ELFN1: variants seen among roughly 807,000 people sequenced by gnomAD.
ELFN1 encodes the protein extracellular leucine rich repeat and fibronectin type III domain containing 1, also known as protein ELFN1.
Under a neutral mutation model 7.6 loss-of-function variants are expected in ELFN1, and 6 were observed. That is an observed-to-expected ratio of 0.79 (90% CI 0.43 to 1.56). ELFN1 has a LOEUF of 1.56. Ranked by LOEUF, ELFN1 falls within the 40% of genes most tolerant of loss-of-function variation. ELFN1 has a pLI of 0.01. For synonymous variants in ELFN1, 657 were observed against 588.1 expected (o/e 1.12, Z -1.70); for missense variants, 1,169 against 1,232.2 (o/e 0.95, Z 0.77).
chr7:1,693,159 A>C (rs1263293001), intron 2 of ELFN1: 2 of 360,892 alleles, frequency 5.5e-6, no homozygotes, highest in Non-Finnish European at 1.1e-5. Flanking sequence ...ACCCCTAGTG[A>C]CCAGATGCTG....
At chr7:1,727,866 C>G (rs1412799686) in intron 3 of ELFN1, among the ~76,000 whole-genome samples, 1 of 152,128 alleles carries the variant, frequency 6.6e-6, no homozygotes, top group Non-Finnish European at 1.5e-5. Context: ...CCTTGCCCTC[C>G]CAAAGCTCCA....
At chr7:1,728,066 G>C (rs952265652) in intron 3 of ELFN1, among the ~76,000 whole-genome samples, 8 of 152,340 alleles carry the variant, frequency 5.3e-5, no homozygotes, top group Admixed American at 5.2e-4. Context: ...TTGAGAGGCA[G>C]GGCCGGACTT....
chr7:1,701,658 G>A (rs1779430483), intron 2 of ELFN1, among the ~76,000 whole-genome samples: 1 of 151,854 alleles, frequency 6.6e-6, no homozygotes, highest in Admixed American at 6.6e-5. Context: ...AAAAATTAAT[G>A]GAGCACAGAT....
rs1446539583 is a variant in ELFN1, at chr7:1,747,230, A to C, written c.*147A>C. On this transcript the variant is annotated 3_prime_UTR_variant, in exon 4 of 4. Coordinates refer to ENST00000424383, the MANE Select transcript of ELFN1 (RefSeq NM_001128636.4). ...AGGCGAGGGGGGAGCGAGTGGGGAC[A>C]GACAAGGGGGACACGTCCCGAGCTC... The C allele has an allele frequency of 3.1e-6, 3 of 965,334 alleles. No homozygotes were observed. The African/African-American group carries it at 5.0e-5, about 16-fold the overall frequency. 59.8% of individuals were successfully genotyped at this position (965,334 alleles called of 1,614,324 possible).
intron 1 of ELFN1, among the ~76,000 whole-genome samples, chr7:1,683,242 A>G (rs1354551445): frequency 6.6e-6 from 1 of 152,094 alleles, no homozygotes; most frequent in Non-Finnish European, 1.5e-5. Context: ...AAAACTTACC[A>G]CTAAAGTCAT....
intron 3 of ELFN1, among the ~76,000 whole-genome samples, chr7:1,729,505 G>C (rs1462122681): frequency 2.0e-5 from 3 of 152,312 alleles, no homozygotes; most frequent in Middle Eastern, 3.4e-3. Flanking sequence ...TGGGAAAGTC[G>C]CTTTTCTCAC....
At chr7:1,727,758 A>G (rs1014247472) in intron 3 of ELFN1, among the ~76,000 whole-genome samples, 1 of 152,100 alleles carries the variant, frequency 6.6e-6, no homozygotes, top group African/African-American at 2.4e-5. Flanking sequence ...ACAGGCATGT[A>G]TCACCATGCC....
chr7:1,745,798 G>C lies in ELFN1; in HGVS notation c.1202G>C (p.Arg401Pro). 1.3e-6 allele frequency: 2 copies of C among 1,558,080 alleles called. No homozygotes were observed. The highest frequency in any genetic ancestry group is 1.9e-5 in the Admixed American group (1 of 51,544). The change falls in exon 4 of 4, where the codon CGG becomes CCG. Residue 401 changes from arginine (R) to proline (P), a missense_variant. Physicochemically the swap from Arg to Pro is moderately radical, Grantham distance 103 (BLOSUM62 -2). Around this residue, in one of 2 missense-constraint regions of ELFN1, gnomAD observed 914 missense variants for 872.6 expected, o/e 1.05. Transcript: ENST00000424383. ...ACCTGCCTCACCATCTGCTTGCCCC[G>C]GCTGCCCAGCCCGCCTGGTCCGGTG... ...NHTCLTICLP[R>P]LPSPPGPVPS...
chr7:1,666,290 G>T (rs1175442451), upstream of ELFN1, among the ~76,000 whole-genome samples: 2 of 151,944 alleles, frequency 1.3e-5, no homozygotes, highest in African/African-American at 4.8e-5. The surrounding 1 kb of genome is among the most constrained non-coding windows in gnomAD (Gnocchi z 7.9). Context: ...TCTCTGGGGG[G>T]GGCGGCGGGG....
intron 2 of ELFN1, among the ~76,000 whole-genome samples, chr7:1,700,767 C>G (rs866950795): frequency 6.6e-6 from 1 of 152,362 alleles, no homozygotes; most frequent in African/African-American, 2.4e-5. Flanking sequence ...TTCCCCAGCG[C>G]CAGATCTGAT....
At chr7:1,688,966 A>G (rs1010437184) in intron 2 of ELFN1, among the ~76,000 whole-genome samples, 1 of 152,250 alleles carries the variant, frequency 6.6e-6, no homozygotes, top group Non-Finnish European at 1.5e-5. Context: ...TGATAAACAC[A>G]TCATAAGTCA....
At position 1,735,849 on chromosome 7, in the gene ELFN1, G is replaced by T. The variant is rs1780427522; in HGVS notation, c.-293-8455G>T. On this transcript the variant is annotated intron_variant, in intron 3 of 3. Coordinates refer to ENST00000424383, the MANE Select transcript of ELFN1 (RefSeq NM_001128636.4). The surrounding 1 kb of genome is among the most constrained non-coding windows in gnomAD (Gnocchi z 5.9). Reference sequence around the variant, plus strand: ...CCAGGAGCCTTCAGTAACTGGTGATGCATCCCCCACCACAACCCTGGGAGG... The same window carrying T: ...CCAGGAGCCTTCAGTAACTGGTGATTCATCCCCCACCACAACCCTGGGAGG... Among the ~76,000 whole-genome samples, 1 of 152,170 alleles carries T rather than the reference G, an allele frequency of 6.6e-6. No individual in the cohort carries two copies. The highest frequency in any genetic ancestry group is 2.4e-5 in the African/African-American group (1 of 41,438).
At chr7:1,675,174 C>A (rs1002284258) in intron 1 of ELFN1, among the ~76,000 whole-genome samples, 8 of 150,544 alleles carry the variant, frequency 5.3e-5, no homozygotes, top group African/African-American at 2.0e-4. Context: ...TGGCCCACTA[C>A]CCCCTCTAGG....
At position 1,745,899 on chromosome 7, in the gene ELFN1, G is replaced by A. The variant is rs768011818; in HGVS notation, c.1303G>A (p.Ala435Thr). 8.3e-5 allele frequency: 131 copies of A among 1,586,504 alleles called. No individual in the cohort carries two copies. Among genetic ancestry groups the A allele is most frequent in the Middle Eastern group, 3.3e-4 (2 of 6,064 alleles). The change falls in exon 4 of 4, where the codon GCC becomes ACC. Residue 435 changes from alanine to threonine, a missense_variant. By Grantham distance (58) the Ala-to-Thr change is moderately conservative (BLOSUM62 0). Transcript: ENST00000424383. Reference protein sequence around the residue: ...CLFGMVLVLGAVYYCLRRRRR... With the variant: ...CLFGMVLVLGTVYYCLRRRRR... ...CTTCGGCATGGTGCTGGTGCTGGGCGCCGTCTACTACTGCCTGCGCAGGCG... is the reference window on the plus strand; with the variant it reads ...CTTCGGCATGGTGCTGGTGCTGGGCACCGTCTACTACTGCCTGCGCAGGCG...
chr7:1,744,309 A>C lies in ELFN1; in HGVS notation c.-288A>C. 3 of 408,908 alleles carry C rather than the reference A, an allele frequency of 7.3e-6. No homozygotes were observed. Among genetic ancestry groups the C allele is most frequent in the East Asian group, 4.1e-5 (1 of 24,202 alleles). 25.3% of individuals were successfully genotyped at this position (408,908 alleles called of 1,614,324 possible). On this transcript the variant is annotated 5_prime_UTR_variant, in exon 4 of 4. Transcript: ENST00000424383. ...TCTTCTCTCTTGTCTTGCAGCAGGA[A>C]CGTCGGAGCAGGAGGAGTCAGTGGA...
At chr7:1,676,353 G>A (rs1778871532) in intron 1 of ELFN1, among the ~76,000 whole-genome samples, 1 of 152,176 alleles carries the variant, frequency 6.6e-6, no homozygotes, top group African/African-American at 2.4e-5. Flanking sequence ...CTGTCCTGTG[G>A]AATGGTGGAA....
chr7:1,680,693 C>T (rs543642119), intron 1 of ELFN1, among the ~76,000 whole-genome samples: 73 of 151,870 alleles, frequency 4.8e-4, no homozygotes, highest in Admixed American at 7.9e-4. Flanking sequence ...ACCCCCTACC[C>T]CACCCCCAGG....
At chr7:1,716,277 C>T (rs1779828811) in intron 3 of ELFN1, among the ~76,000 whole-genome samples, 1 of 152,226 alleles carries the variant, frequency 6.6e-6, no homozygotes. Flanking sequence ...GTCCCACAGC[C>T]AGAGGGTCTA....
In ELFN1 at chr7:1,702,607, C is replaced by G. The variant is rs114234318; in HGVS notation, c.-455-6484C>G. 5.3e-3 allele frequency among the ~76,000 whole-genome samples: 805 copies of G among 150,980 alleles called. 55 individuals are homozygous for G. Among genetic ancestry groups the G allele is most frequent in the African/African-American group, 0.019 (758 of 40,418 alleles). On this transcript the variant is annotated intron_variant, in intron 2 of 3. Transcript: ENST00000424383. ...TTGAATGTATAAATTAATTTGAAGA[C>G]TGTTGATGTTTCATAAATATTCATT...
Sources: allele counts gnomAD v4.1 joint callset (sites outside exome capture counted in the v4.1 genomes callset), GRCh38; gene constraint gnomAD v4.1.1; regional missense constraint gnomAD v4.1.1; non-coding constraint Gnocchi (gnomAD v3.1); transcripts MANE v1.5; gene names NCBI Gene and HGNC (gene_info 2026-07-23, HGNC 2026-07-21).